Variants in FBXL16 observed in about 807,000 individuals in gnomAD.
FBXL16 encodes the protein F-box/LRR-repeat protein 16.
FBXL16 carries 7 observed loss-of-function variants against 36.7 expected under a neutral mutation model. That is an observed-to-expected ratio of 0.19 (90% confidence interval 0.11 to 0.36). The LOEUF is 0.36. Among genes scored for constraint, FBXL16 ranks in the 10% least tolerant of loss-of-function variants. The pLI, the probability that FBXL16 is intolerant of heterozygous loss-of-function variation, is 1.00. For synonymous variants in FBXL16, 355 were observed against 308.7 expected, an observed-to-expected ratio of 1.15 and a Z score of -1.57; for missense variants, 463 against 659.4, an observed-to-expected ratio of 0.70 and a Z score of 3.26.
In FBXL16 at chr16:697,643, T is replaced by C. The variant is rs967635739; in HGVS notation, c.-14-224A>G. On this transcript the variant is annotated intron_variant, in intron 1 of 5. Transcript: ENST00000397621. This position sits in a 1 kb window ranked among gnomAD's most constrained non-coding sequence, Gnocchi z 4.6. ...CAGCACTCACTGGGCACCTACGGTA[T>C]GCACTGAGCCCAACCTTCATTGCCC... Among the ~76,000 whole-genome samples the C allele has an allele frequency of 2.0e-5, 3 of 152,184 alleles. No homozygotes were observed. Among genetic ancestry groups the C allele is most frequent in the African/African-American group, 4.8e-5 (2 of 41,444 alleles).
chr16:695,836 T>G lies in FBXL16; in HGVS notation c.721A>C (p.Ser241Arg). 1 of 1,609,026 alleles carries G rather than the reference T, an allele frequency of 6.2e-7. No individual in the cohort carries two copies. ...ACGCTCAGCGAGGTGATGCGCGCGC[T>G]CAGGCTGGACCACAGCCCGGCCTCG... ...FTEAGLWSSL[S>R]ARITSLSVSD... The change falls in exon 3 of 6, where the codon AGC becomes CGC. Residue 241 changes from serine to arginine, a missense_variant. Transcript: ENST00000397621.
intron 1 of FBXL16, among the ~76,000 whole-genome samples, chr16:703,568 G>A (rs2040071296): frequency 6.6e-6 from 1 of 152,176 alleles, no homozygotes; most frequent in South Asian, 2.1e-4. Context: ...TTGGGGACAG[G>A]GTGCAGACTG....
intron 1 of FBXL16, among the ~76,000 whole-genome samples, chr16:698,708 G>T (rs2040033154): frequency 6.6e-6 from 1 of 152,158 alleles, no homozygotes; most frequent in South Asian, 2.1e-4. Flanking sequence ...CAAGGTCAGG[G>T]GTTTGAGACC....
In FBXL16 at chr16:696,274, G is replaced by A. The variant is rs143387943; in HGVS notation, c.634-351C>T. Among the ~76,000 whole-genome samples the A allele has an allele frequency of 7.8e-3, 1,162 of 148,730 alleles. 18 individuals are homozygous for A. Among genetic ancestry groups the A allele is most frequent in the African/African-American group, 0.028 (1,116 of 40,488 alleles). On this transcript the variant is annotated intron_variant, in intron 2 of 5. Transcript: ENST00000397621. ...TCATTCATTCATTCAATCATTTTGA[G>A]ACAGAGCCTTACTCTGTTGCCCAGG...
Position 697,726 on chromosome 16 carries a change from C to T in FBXL16, c.-14-307G>A, listed in dbSNP as rs1036158641. 1.5e-4 allele frequency among the ~76,000 whole-genome samples: 23 copies of T among 152,120 alleles called. No homozygotes were observed. The highest frequency in any genetic ancestry group is 3.3e-4 in the Admixed American group (5 of 15,278). On this transcript the variant is annotated intron_variant, in intron 1 of 5. Coordinates refer to ENST00000397621, the MANE Select transcript of FBXL16 (RefSeq NM_153350.4). This position sits in a 1 kb window ranked among gnomAD's most constrained non-coding sequence, Gnocchi z 4.6. The stretch of plus-strand genomic sequence containing the variant: ...TTTTTGAAACAGAGTTCCGGCCGGG[C>T]GCGGTGGCTCATGCCTGTAATCCCA...
chr16:698,006 A>C (rs1197032702), intron 1 of FBXL16, among the ~76,000 whole-genome samples: 2 of 151,960 alleles, frequency 1.3e-5, no homozygotes, highest in Non-Finnish European at 2.9e-5. Context: ...TCTCAAAAAA[A>C]AAAAAAAGAA....
rs997531244 is a variant in FBXL16 at position 695,738 on chromosome 16, C to T, written c.819G>A (p.Leu273=). The change falls in exon 3 of 6, where the codon CTG becomes CTA. Residue 273 remains leucine (L), a synonymous_variant. Coordinates refer to ENST00000397621, the MANE Select transcript of FBXL16 (RefSeq NM_153350.4). ...ISQLLPNLAE[L]SLQAYHVTDT... The stretch of plus-strand genomic sequence containing the variant: ...CCGTCACGTGGTAGGCCTGCAGGCT[C>T]AGCTCCGCCAGGTTGGGCAGCAGCT... The T allele has an allele frequency of 2.5e-6, 4 of 1,603,046 alleles. No individual in the cohort carries two copies. The highest frequency in any genetic ancestry group is 3.4e-6 in the Non-Finnish European group (4 of 1,177,804).
chr16:703,503 G>T (rs527795619), intron 1 of FBXL16, among the ~76,000 whole-genome samples: 8 of 152,346 alleles, frequency 5.3e-5, no homozygotes, highest in African/African-American at 1.7e-4. Context: ...TGCACATCGG[G>T]CTCCATCTGC....
intron 1 of FBXL16, among the ~76,000 whole-genome samples, chr16:699,783 C>A (rs1160169196): frequency 1.3e-5 from 2 of 152,150 alleles, no homozygotes; most frequent in Non-Finnish European, 2.9e-5. Flanking sequence ...CTGCCCCCTC[C>A]TGCCACAGCC....
In FBXL16 at chr16:695,005, C is replaced by G. The variant is rs983298276; in HGVS notation, c.1214G>C (p.Arg405Pro). ...TMSSLRSLYL[R>P]WCCQVQDFGL... The stretch of plus-strand genomic sequence containing the variant: ...GAGAGCCGGTACCTGGCAGCACCAT[C>G]GCAGGTAGAGGCTGCGGAGGGACGA... Residue 405 changes from arginine to proline, a missense_variant, in exon 4 of 6, where the codon CGA becomes CCA. Arg to Pro is a moderately radical substitution (Grantham distance 103, BLOSUM62 -2). Transcript: ENST00000397621. 6.5e-7 allele frequency: 1 copy of G among 1,548,616 alleles called. No homozygotes were observed. The highest frequency in any genetic ancestry group is 8.7e-7 in the Non-Finnish European group (1 of 1,143,328).
chr16:698,010 AAAAG>A (rs1428613317), intron 1 of FBXL16, among the ~76,000 whole-genome samples: 12 of 151,952 alleles, frequency 7.9e-5, no homozygotes, highest in Non-Finnish European at 1.2e-4. Flanking sequence ...AAAAAAAAAA[AAAAG>A]AAACAGTTTC....
At chr16:702,168 G>C (rs1387179986) in intron 1 of FBXL16, among the ~76,000 whole-genome samples, 1 of 152,140 alleles carries the variant, frequency 6.6e-6, no homozygotes, top group African/African-American at 2.4e-5. Flanking sequence ...TCAAGTCACT[G>C]AGCCCGGAGA....
rs754735799 is a variant in FBXL16, at chr16:697,087, A to G, written c.319T>C (p.Trp107Arg). Reference sequence around the variant, plus strand: ...CACTTCTCGCAGGCCGAGAAATACCAGAAGAGCCCATTGAGGATCTTCTCG... The same window carrying G: ...CACTTCTCGCAGGCCGAGAAATACCGGAAGAGCCCATTGAGGATCTTCTCG... Reference protein sequence around the residue: ...TDEKILNGLFWYFSACEKCVL... With the variant: ...TDEKILNGLFRYFSACEKCVL... Residue 107 changes from tryptophan (W) to arginine (R), a missense_variant, in exon 2 of 6, where the codon TGG (tryptophan) becomes CGG (arginine). Trp to Arg is a moderately radical substitution (Grantham distance 101). Around this residue, in one of 3 missense-constraint regions of FBXL16, gnomAD observed 263 missense variants for 341.1 expected, o/e 0.77. Transcript: ENST00000397621. This position sits in a 1 kb window ranked among gnomAD's most constrained non-coding sequence, Gnocchi z 4.6. The G allele has an allele frequency of 1.3e-5, 21 of 1,607,278 alleles. No homozygotes were observed. In the African/African-American group the frequency reaches 2.5e-4, roughly 19 times the overall value.
chr16:701,626 G>A (rs958125171), intron 1 of FBXL16, among the ~76,000 whole-genome samples: 3 of 146,200 alleles, frequency 2.1e-5, no homozygotes, highest in Admixed American at 6.8e-5. Flanking sequence ...CCAGCCAGAC[G>A]GTCACCAAGG....
intron 1 of FBXL16, among the ~76,000 whole-genome samples, chr16:705,267 T>C (rs2040083880): frequency 6.6e-6 from 1 of 151,784 alleles, no homozygotes; most frequent in Non-Finnish European, 1.5e-5. Context: ...CCCGGCCGAG[T>C]GGCCAGTGGG....
At position 694,441 on chromosome 16, in the gene FBXL16, G is replaced by A. The variant is rs777243874; in HGVS notation, c.1292-18C>T. 1.9e-6 allele frequency: 3 copies of A among 1,540,328 alleles called. No homozygotes were observed. Among genetic ancestry groups the A allele is most frequent in the South Asian group, 2.4e-5 (2 of 82,436 alleles). ...CGGGCAGCCTGCGGCGGGGTCAGAG[G>A]GCGGCTCAGTGCGCGCGGCCCAGGG... On this transcript the variant is annotated intron_variant, in intron 5 of 5. Coordinates refer to ENST00000397621, the MANE Select transcript of FBXL16 (RefSeq NM_153350.4).
At position 694,192 on chromosome 16, in the gene FBXL16, G is replaced by T; in HGVS notation, c.*83C>A. ...GGCGCGGGGGCTCCCCCGAGCGCAA[G>T]GCGGGAAGAGGGGGCTCGGCGGCGC... On this transcript the variant is annotated 3_prime_UTR_variant, in exon 6 of 6. Transcript: ENST00000397621. 1.9e-6 allele frequency: 2 copies of T among 1,049,756 alleles called. No homozygotes were observed. The highest frequency in any genetic ancestry group is 1.7e-5 in the African/African-American group (1 of 60,036). 65.0% of individuals were successfully genotyped at this position (1,049,756 alleles called of 1,614,324 possible).
Position 694,287 on chromosome 16 carries a change from G to A in FBXL16, c.1428C>T (p.Leu476=), listed in dbSNP as rs751644126. 2 of 1,424,740 alleles carry A rather than the reference G, an allele frequency of 1.4e-6. No individual in the cohort carries two copies. Among genetic ancestry groups the A allele is most frequent in the South Asian group, 1.6e-5 (1 of 60,988 alleles). 88.3% of individuals were successfully genotyped at this position (1,424,740 alleles called of 1,614,324 possible). A position where few individuals can be genotyped will look rare whatever the true frequency, so the allele number is the denominator to read the frequency against. Residue 476 remains leucine (L), a synonymous_variant, in exon 6 of 6, where the codon CTC becomes CTT. Transcript: ENST00000397621. ...KYFSQHLPRC[L]VIE ...CGGGGGCCTCGCGCTACTCAATGACGAGGCAGCGGGGCAGGTGCTGCGAGA... is the reference window on the plus strand; with the variant it reads ...CGGGGGCCTCGCGCTACTCAATGACAAGGCAGCGGGGCAGGTGCTGCGAGA...
In FBXL16 at chr16:697,948, C is replaced by T. The variant is rs971848202; in HGVS notation, c.-14-529G>A. On this transcript the variant is annotated intron_variant, in intron 1 of 5. Transcript: ENST00000397621. This position sits in a 1 kb window ranked among gnomAD's most constrained non-coding sequence, Gnocchi z 4.6. Reference sequence around the variant, plus strand: ...CCGGGAGGCGGAGCTTGCAGTGAGCCGAGATTGCGCCACTGCACTCCAGCC... The same window carrying T: ...CCGGGAGGCGGAGCTTGCAGTGAGCTGAGATTGCGCCACTGCACTCCAGCC... Among the ~76,000 whole-genome samples the T allele has an allele frequency of 4.0e-5, 6 of 151,350 alleles. No homozygotes were observed. The highest frequency in any genetic ancestry group is 1.2e-4 in the African/African-American group (5 of 41,134).
Sources: allele counts gnomAD v4.1 joint callset (sites outside exome capture counted in the v4.1 genomes callset), GRCh38; gene constraint gnomAD v4.1.1; regional missense constraint gnomAD v4.1.1; non-coding constraint Gnocchi (gnomAD v3.1); transcripts MANE v1.5; gene names NCBI Gene and HGNC (gene_info 2026-07-23, HGNC 2026-07-21).